The following TSHZ1 variants were observed in gnomAD, a reference collection of about 807,000 sequenced individuals.
The protein encoded by TSHZ1 is teashirt homolog 1.
In TSHZ1, 12 loss-of-function variants were observed where a neutral mutation model predicts 67.1. The ratio of observed to expected loss-of-function variants is 0.18; its 90% CI spans 0.11 to 0.29. The LOEUF is 0.29. TSHZ1 is among the 10% of genes least tolerant of loss of function. The pLI, the probability that TSHZ1 is intolerant of heterozygous loss-of-function variation, is 1.00. For synonymous variants in TSHZ1, 632 were observed against 622.4 expected, an observed-to-expected ratio of 1.02 and a Z score of -0.23; for missense variants, 1,305 against 1,413.9, an observed-to-expected ratio of 0.92 and a Z score of 1.23.
chr18:75,219,611 CTTAGA>C (rs763921811), intron 1 of TSHZ1, among the ~76,000 whole-genome samples: 9 of 152,112 alleles, frequency 5.9e-5, no homozygotes, highest in East Asian at 1.9e-4. Context: ...TTGCTACAGA[CTTAGA>C]TTAAAGAAAA....
At chr18:75,255,145 C>T (rs1407902399) in intron 1 of TSHZ1, among the ~76,000 whole-genome samples, 1 of 152,174 alleles carries the variant, frequency 6.6e-6, no homozygotes, top group Non-Finnish European at 1.5e-5. Context: ...GTTCCTCTGA[C>T]ATGTATATTT....
chr18:75,281,700 G>T lies in TSHZ1; in HGVS notation c.41-3748G>T, dbSNP rs540769979. Reference sequence around the variant, plus strand: ...CCTGGGGATGCGGCAGCTCAGAACGGGGAGCGGGTAGCGGTCACCGAGGGT... The same window carrying T: ...CCTGGGGATGCGGCAGCTCAGAACGTGGAGCGGGTAGCGGTCACCGAGGGT... On this transcript the variant is annotated intron_variant, in intron 1 of 1. Coordinates refer to ENST00000580243, the MANE Select transcript of TSHZ1 (RefSeq NM_001308210.2). This position sits in a 1 kb window ranked among gnomAD's most constrained non-coding sequence, Gnocchi z 5.3. 6.6e-6 allele frequency among the ~76,000 whole-genome samples: 1 copy of T among 152,150 alleles called. No individual in the cohort carries two copies. Among genetic ancestry groups the T allele is most frequent in the African/African-American group, 2.4e-5 (1 of 41,430 alleles).
Position 75,285,871 on chromosome 18 carries a change from C to CG in TSHZ1, c.464_465insG (p.Thr157HisfsTer63). The CG allele has an allele frequency of 6.9e-7, 1 of 1,452,930 alleles. No homozygotes were observed. The allele number at this position is 1,452,930 out of a possible 1,614,324, so 90.0% of individuals were successfully genotyped here. On this transcript the variant is annotated frameshift_variant, in exon 2 of 2. Transcript: ENST00000580243. LOFTEE classifies it high-confidence loss of function. ...GATGCCAGCCAGAAGGAGAGCTCCG[C>CG]CCCCACCCCCACACCCCCCACCTGC... is the stretch of plus-strand genomic sequence containing the variant.
intron 1 of TSHZ1, among the ~76,000 whole-genome samples, chr18:75,276,974 C>T (rs1456310751): frequency 1.3e-5 from 2 of 152,228 alleles, no homozygotes; most frequent in Non-Finnish European, 2.9e-5. Flanking sequence ...TCCACCACCT[C>T]CTCCGTCAGG....
chr18:75,235,506 G>A (rs2023056448), intron 1 of TSHZ1, among the ~76,000 whole-genome samples: 1 of 152,126 alleles, frequency 6.6e-6, no homozygotes, highest in South Asian at 2.1e-4. Flanking sequence ...TTCTCCAACT[G>A]CTGGCCCATT....
chr18:75,235,568 T>A (rs73481932), intron 1 of TSHZ1, among the ~76,000 whole-genome samples: 6,826 of 152,270 alleles, frequency 0.045, 226 homozygotes, highest in African/African-American at 0.095. Flanking sequence ...GCTTATTTCT[T>A]GACAGTTCAA....
intron 1 of TSHZ1, among the ~76,000 whole-genome samples, chr18:75,232,693 A>C (rs1043610201): frequency 1.3e-5 from 2 of 152,174 alleles, no homozygotes; most frequent in African/African-American, 4.8e-5. Context: ...GTTCATTCAC[A>C]TTTTAAAGAT....
chr18:75,276,306 A>G (rs377691538), intron 1 of TSHZ1, among the ~76,000 whole-genome samples: 33 of 138,048 alleles, frequency 2.4e-4, no homozygotes, highest in African/African-American at 8.7e-4. Flanking sequence ...TTTTTTTTCT[A>G]TCATGTCAGA....
chr18:75,236,579 A>G (rs1483808477), intron 1 of TSHZ1, among the ~76,000 whole-genome samples: 1 of 152,158 alleles, frequency 6.6e-6, no homozygotes, highest in Non-Finnish European at 1.5e-5. Context: ...AGCTATAACA[A>G]TAATAACAGC....
At chr18:75,236,023 G>A (rs28560317) in intron 1 of TSHZ1, among the ~76,000 whole-genome samples, 5,793 of 152,244 alleles carry the variant, frequency 0.038, 141 homozygotes, top group African/African-American at 0.07. Context: ...GATAGGAAGC[G>A]TGCGTGATAG....
At chr18:75,231,709 A>G (rs1338895957) in intron 1 of TSHZ1, among the ~76,000 whole-genome samples, 2 of 151,542 alleles carry the variant, frequency 1.3e-5, no homozygotes, top group Non-Finnish European at 2.9e-5. Flanking sequence ...TAATTTTTGT[A>G]TTTTTAGTAG....
intron 1 of TSHZ1, 74 bp downstream of exon 1, chr18:75,211,990 G>A (rs2022699856): frequency 4.0e-5 from 45 of 1,132,230 alleles, no homozygotes; most frequent in Non-Finnish European, 4.8e-5. Flanking sequence ...CGCGGGCCGA[G>A]GTGCGGGACG....
chr18:75,226,412 A>G (rs1261595522), intron 1 of TSHZ1, among the ~76,000 whole-genome samples: 5 of 151,600 alleles, frequency 3.3e-5, no homozygotes. Context: ...CTGTTTGTAA[A>G]GCAGCTCAGG....
chr18:75,224,915 T>C (rs975710259), intron 1 of TSHZ1, among the ~76,000 whole-genome samples: 5 of 152,124 alleles, frequency 3.3e-5, no homozygotes, highest in African/African-American at 1.2e-4. Flanking sequence ...TCTACAACCA[T>C]GTGATCCATT....
chr18:75,212,225 G>T (rs949747599), intron 1 of TSHZ1, among the ~76,000 whole-genome samples: 2 of 152,218 alleles, frequency 1.3e-5, no homozygotes, highest in African/African-American at 2.4e-5. Flanking sequence ...GAGGGGGCGT[G>T]CGCTGAGGGG....
chr18:75,261,245 A>C lies in TSHZ1; in HGVS notation c.41-24203A>C, dbSNP rs576260684. 2.0e-5 allele frequency among the ~76,000 whole-genome samples: 3 copies of C among 152,316 alleles called. No homozygotes were observed. The South Asian group carries it at 6.2e-4, about 32-fold the overall frequency. On this transcript the variant is annotated intron_variant, in intron 1 of 1. Transcript: ENST00000580243. ...AGTAGGTAAGAGAACTGTATCTCTT[A>C]AGAGACTTGCTGTCTAACTCTGCCA...
chr18:75,280,955 TG>T, intron 1 of TSHZ1: 1 of 398,392 alleles, frequency 2.5e-6, no homozygotes, highest in Non-Finnish European at 3.4e-6. Context: ...CGGGGAGGGC[TG>T]GCATCCAGAC....
chr18:75,259,159 C>A (rs1177470894), intron 1 of TSHZ1, among the ~76,000 whole-genome samples: 1 of 152,106 alleles, frequency 6.6e-6, no homozygotes, highest in East Asian at 1.9e-4. Flanking sequence ...GAATTCATTG[C>A]AGCACAGTTT....
intron 1 of TSHZ1, among the ~76,000 whole-genome samples, chr18:75,225,259 G>C (rs1468534894): frequency 6.6e-6 from 1 of 152,208 alleles, no homozygotes; most frequent in Non-Finnish European, 1.5e-5. Flanking sequence ...AATCATGGAT[G>C]ATGGGGCTGG....
Sources: gnomAD v4.1 joint callset for allele counts (sites outside exome capture counted in the v4.1 genomes callset) on GRCh38, gnomAD v4.1.1 for gene constraint, Gnocchi (gnomAD v3.1) non-coding constraint, MANE v1.5 for transcripts, NCBI Gene and HGNC (gene_info 2026-07-23, HGNC 2026-07-21) for gene names.